The following ARB2A variants were observed in gnomAD, a reference collection of about 807,000 sequenced individuals.
The protein encoded by ARB2A is cotranscriptional regulator ARB2A.
chr5:94,042,956 CCA>C, the ARB2A span, among the ~76,000 whole-genome samples: 1 of 152,070 alleles, frequency 6.6e-6, no homozygotes, highest in Admixed American at 6.6e-5. Flanking sequence ...TCACTGTATG[CCA>C]CAGAGATAAC....
chr5:94,012,237 C>A, the ARB2A span, among the ~76,000 whole-genome samples: 1 of 152,196 alleles, frequency 6.6e-6, no homozygotes, highest in Non-Finnish European at 1.5e-5. Flanking sequence ...CCCGTCTCTA[C>A]TAAACATACA....
chr5:93,852,421 G>A, the ARB2A span, among the ~76,000 whole-genome samples: 2 of 152,066 alleles, frequency 1.3e-5, no homozygotes, highest in African/African-American at 2.4e-5. Flanking sequence ...TCACTCTGAT[G>A]GTAGTTTCCT....
At chr5:93,792,987 T>G in the ARB2A span, among the ~76,000 whole-genome samples, 246 of 152,184 alleles carry the variant, frequency 1.6e-3, 1 homozygote, top group African/African-American at 5.7e-3. Flanking sequence ...TATGTACCAG[T>G]TTTATGGATG....
chr5:93,973,721 A>G, the ARB2A span, among the ~76,000 whole-genome samples: 1 of 152,240 alleles, frequency 6.6e-6, no homozygotes, highest in South Asian at 2.1e-4. Flanking sequence ...AATTCTCAGC[A>G]GAAACCTTAT....
the ARB2A span, among the ~76,000 whole-genome samples, chr5:93,838,245 T>C: frequency 4.0e-3 from 610 of 152,376 alleles, 1 homozygote; most frequent in Non-Finnish European, 6.5e-3. Context: ...GCACCATTTA[T>C]TGAATAGGTA....
chr5:93,741,894 C>T, the ARB2A span, among the ~76,000 whole-genome samples: 1 of 69,814 alleles, frequency 1.4e-5, no homozygotes, highest in Non-Finnish European at 2.8e-5. Flanking sequence ...TTTCTTATGC[C>T]TGTTCAGAAA....
the ARB2A span, among the ~76,000 whole-genome samples, chr5:93,829,857 A>AAGGG: frequency 2.6e-5 from 4 of 152,176 alleles, no homozygotes; most frequent in African/African-American, 7.2e-5. Flanking sequence ...AACTTTAAGG[A>AAGGG]AGGGAATGAA....
chr5:93,643,236 T>C, the ARB2A span, among the ~76,000 whole-genome samples: 2 of 152,184 alleles, frequency 1.3e-5, no homozygotes, highest in Admixed American at 1.3e-4. Context: ...ATATCCACTC[T>C]TGAAATTGTG....
chr5:93,677,964 A>C, the ARB2A span, among the ~76,000 whole-genome samples: 1 of 152,206 alleles, frequency 6.6e-6, no homozygotes, highest in African/African-American at 2.4e-5. Context: ...CTGAGTGGAT[A>C]CTGAGTGAGC....
At chr5:94,053,661 CTG>C in the ARB2A span, among the ~76,000 whole-genome samples, 1 of 152,126 alleles carries the variant, frequency 6.6e-6, no homozygotes, top group Non-Finnish European at 1.5e-5. Context: ...AGGGGGAAAA[CTG>C]TTAAAATAAA....
chr5:93,760,567 GA>G, the ARB2A span, among the ~76,000 whole-genome samples: 1 of 152,118 alleles, frequency 6.6e-6, no homozygotes, highest in African/African-American at 2.4e-5. Context: ...TAGATCAATG[GA>G]ACAGAATAGA....
At chr5:93,638,361 T>C in the ARB2A span, among the ~76,000 whole-genome samples, 3 of 152,246 alleles carry the variant, frequency 2.0e-5, no homozygotes, top group Non-Finnish European at 4.4e-5. Flanking sequence ...ACAGGAATTC[T>C]GTTAAACTTA....
At chr5:93,634,703 A>G in the ARB2A span, among the ~76,000 whole-genome samples, 1 of 152,232 alleles carries the variant, frequency 6.6e-6, no homozygotes, top group South Asian at 2.1e-4. Flanking sequence ...CCCAAGATGT[A>G]GCTGACTTGG....
chr5:93,770,903 C>T, the ARB2A span, among the ~76,000 whole-genome samples: 2 of 152,034 alleles, frequency 1.3e-5, no homozygotes, highest in Admixed American at 1.3e-4. Flanking sequence ...GATTCAATGC[C>T]ATCCCCATCA....
the ARB2A span, among the ~76,000 whole-genome samples, chr5:94,035,607 T>C: frequency 3.9e-5 from 6 of 152,006 alleles, no homozygotes; most frequent in African/African-American, 1.5e-4. Context: ...CCAACCCAAC[T>C]GCCCATCAAT....
the ARB2A span, among the ~76,000 whole-genome samples, chr5:93,948,727 C>T: frequency 2.5e-3 from 373 of 152,210 alleles, 1 homozygote; most frequent in African/African-American, 8.5e-3. Context: ...TTTCTACATA[C>T]GGCTAGCCAG....
chr5:93,959,375 A>G, the ARB2A span, among the ~76,000 whole-genome samples: 1 of 152,128 alleles, frequency 6.6e-6, no homozygotes, highest in African/African-American at 2.4e-5. Context: ...ATTGATTTAT[A>G]GATGAAGAAA....
At chr5:93,717,957 C>G in the ARB2A span, among the ~76,000 whole-genome samples, 1 of 151,676 alleles carries the variant, frequency 6.6e-6, no homozygotes, top group African/African-American at 2.4e-5. Flanking sequence ...GCCTCAGCCT[C>G]CTGAGTAGCT....
At chr5:93,769,950 G>A in the ARB2A span, among the ~76,000 whole-genome samples, 5 of 152,122 alleles carry the variant, frequency 3.3e-5, no homozygotes, top group Non-Finnish European at 7.3e-5. Flanking sequence ...GAGGAGAGCT[G>A]AATAATAAAA....
Sources: allele counts gnomAD v4.1 joint callset (sites outside exome capture counted in the v4.1 genomes callset), GRCh38; gene constraint gnomAD v4.1.1; transcripts MANE v1.5; gene names NCBI Gene and HGNC (gene_info 2026-07-23, HGNC 2026-07-21).